The following N4BP1 variants were observed in gnomAD, a reference collection of about 807,000 sequenced individuals.
N4BP1 encodes the protein NEDD4-binding protein 1.
Under a neutral mutation model 70.9 loss-of-function variants are expected in N4BP1, and 21 were observed. That is an observed-to-expected ratio of 0.30 (90% CI 0.21 to 0.43). N4BP1 has a LOEUF of 0.43. Ranked by LOEUF, N4BP1 falls within the 20% of genes least tolerant of loss-of-function variation. N4BP1 has a pLI of 1.00. For missense variants in N4BP1, 936 were observed against 1,069.4 expected, an observed-to-expected ratio of 0.88 and a Z score of 1.74; for synonymous variants, 387 against 394.6, an observed-to-expected ratio of 0.98 and a Z score of 0.23.
chr16:48,593,664 C>G (rs1183125249), intron 1 of N4BP1, among the ~76,000 whole-genome samples: 1 of 152,164 alleles, frequency 6.6e-6, no homozygotes, highest in East Asian at 1.9e-4. Context: ...TTATAAGAAT[C>G]TTACCTTATG....
intron 1 of N4BP1, among the ~76,000 whole-genome samples, chr16:48,591,756 A>G (rs1964342480): frequency 6.6e-6 from 1 of 151,040 alleles, no homozygotes; most frequent in Non-Finnish European, 1.5e-5. Flanking sequence ...AGAACTTAAG[A>G]TAATTTCTAA....
At chr16:48,572,894 G>A (rs928829718) in intron 1 of N4BP1, among the ~76,000 whole-genome samples, 1 of 152,140 alleles carries the variant, frequency 6.6e-6, no homozygotes, top group Non-Finnish European at 1.5e-5. Context: ...ACTTTGGGAG[G>A]CTGAGGTGGG....
At chr16:48,601,920 C>T (rs1053843319) in intron 1 of N4BP1, among the ~76,000 whole-genome samples, 84 of 152,134 alleles carry the variant, frequency 5.5e-4, no homozygotes, top group African/African-American at 2.0e-3. Context: ...TATGTTGTTT[C>T]CATATGAAAA....
chr16:48,553,463 A>G (rs1963704955), intron 3 of N4BP1, 76 bp downstream of exon 3: 3 of 1,418,846 alleles, frequency 2.1e-6, no homozygotes, highest in East Asian at 4.8e-5. Context: ...GCTCTATTCT[A>G]AATAGCATGT....
intron 1 of N4BP1, among the ~76,000 whole-genome samples, chr16:48,601,568 CA>C (rs1964499388): frequency 1.3e-5 from 2 of 152,104 alleles, no homozygotes; most frequent in African/African-American, 4.8e-5. Context: ...GCCATAATCA[CA>C]AATGACTTTC....
At chr16:48,558,112 G>A (rs1963784135) in intron 2 of N4BP1, among the ~76,000 whole-genome samples, 3 of 151,970 alleles carry the variant, frequency 2.0e-5, no homozygotes, top group Non-Finnish European at 4.4e-5. Context: ...TACCCATTAC[G>A]CAGTTTCTTC....
In N4BP1 at chr16:48,542,663, C is replaced by G. The variant is rs1963520336; in HGVS notation, c.*241G>C. Reference sequence around the variant, plus strand: ...CTGCTATTAAACAGTTCTGAACAGGCAGAAAATGTAGACTTTCCTTTAACA... The same window carrying G: ...CTGCTATTAAACAGTTCTGAACAGGGAGAAAATGTAGACTTTCCTTTAACA... On this transcript the variant is annotated 3_prime_UTR_variant, in exon 7 of 7. Transcript: ENST00000262384. 2 of 401,206 alleles carry G rather than the reference C, an allele frequency of 5.0e-6. No individual in the cohort carries two copies. Among genetic ancestry groups the G allele is most frequent in the East Asian group, 7.5e-5 (2 of 26,586 alleles). The allele number at this position is 401,206 out of a possible 1,614,324, so 24.9% of individuals were successfully genotyped here.
At chr16:48,569,497 T>A (rs1208610185) in intron 1 of N4BP1, among the ~76,000 whole-genome samples, 3 of 152,168 alleles carry the variant, frequency 2.0e-5, no homozygotes, top group African/African-American at 7.2e-5. Context: ...GTTCAAGTGA[T>A]CCACCCTCCT....
intron 1 of N4BP1, among the ~76,000 whole-genome samples, chr16:48,592,372 A>C (rs1305385796): frequency 6.6e-6 from 1 of 152,138 alleles, no homozygotes; most frequent in Non-Finnish European, 1.5e-5. Flanking sequence ...GGGACCCTTA[A>C]TTTTGAGAAT....
intron 6 of N4BP1, among the ~76,000 whole-genome samples, chr16:48,545,245 G>GT (rs1421235465): frequency 2.0e-5 from 3 of 151,310 alleles, no homozygotes; most frequent in Non-Finnish European, 4.4e-5. Context: ...GATTACAGGC[G>GT]TGAGCCACCA....
At position 48,557,651 on chromosome 16, in the gene N4BP1, A is replaced by G. The variant is rs568715323; in HGVS notation, c.1889+3103T>C. Reference sequence around the variant, plus strand: ...CAAATAGGTAGTAAAAAGCCACTAAAAAAATCCTAAACTGGGCATGGTAAG... The same window carrying G: ...CAAATAGGTAGTAAAAAGCCACTAAGAAAATCCTAAACTGGGCATGGTAAG... On this transcript the variant is annotated intron_variant, in intron 2 of 6. Coordinates refer to ENST00000262384, the MANE Select transcript of N4BP1 (RefSeq NM_153029.4). Among the ~76,000 whole-genome samples, 3 of 152,344 alleles carry G rather than the reference A, an allele frequency of 2.0e-5. No homozygotes were observed. In the East Asian group the frequency reaches 5.8e-4, roughly 29 times the overall value.
At chr16:48,563,511 A>C (rs1199074903) in intron 1 of N4BP1, among the ~76,000 whole-genome samples, 15 of 151,668 alleles carry the variant, frequency 9.9e-5, no homozygotes. Flanking sequence ...TCAGCCTCCC[A>C]AGTAGCTGGG....
intron 1 of N4BP1, among the ~76,000 whole-genome samples, chr16:48,606,221 C>G (rs1964580503): frequency 6.6e-6 from 1 of 152,090 alleles, no homozygotes; most frequent in Non-Finnish European, 1.5e-5. Context: ...TAAAACCGAC[C>G]CCTAAATCCC....
At chr16:48,547,183 A>G (rs1047064909) in intron 5 of N4BP1, among the ~76,000 whole-genome samples, 7 of 152,252 alleles carry the variant, frequency 4.6e-5, no homozygotes, top group African/African-American at 7.2e-5. Context: ...ATAAATATCT[A>G]GTTATGCTAA....
chr16:48,566,784 A>G (rs979232868), intron 1 of N4BP1, among the ~76,000 whole-genome samples: 1 of 152,210 alleles, frequency 6.6e-6, no homozygotes, highest in Non-Finnish European at 1.5e-5. Context: ...TGGTTCCATC[A>G]ACTGTTGAGA....
intron 1 of N4BP1, among the ~76,000 whole-genome samples, chr16:48,603,264 G>A (rs1366097019): frequency 6.6e-6 from 1 of 151,946 alleles, no homozygotes; most frequent in Non-Finnish European, 1.5e-5. Context: ...AGTTTCATGG[G>A]TGCACTGTAA....
rs1490629889 is a variant in N4BP1 at position 48,539,030 on chromosome 16, G to A, written c.*3874C>T. 3 of 152,294 alleles carry A rather than the reference G, an allele frequency of 2.0e-5. No homozygotes were observed. The highest frequency in any genetic ancestry group is 4.4e-5 in the Non-Finnish European group (3 of 68,092). 9.4% of individuals were successfully genotyped at this position (152,294 alleles called of 1,614,324 possible). A position where few individuals can be genotyped will look rare whatever the true frequency, so the allele number is the denominator to read the frequency against. On this transcript the variant is annotated 3_prime_UTR_variant, in exon 7 of 7. Transcript: ENST00000262384. The stretch of plus-strand genomic sequence containing the variant: ...GCCATTTGGGAGAAGGGCATCTCTA[G>A]CGGAGAGAGGTCCATCTGCAGAGCC...
chr16:48,548,459 T>C (rs1310017184), intron 4 of N4BP1, among the ~76,000 whole-genome samples: 1 of 152,200 alleles, frequency 6.6e-6, no homozygotes, highest in Non-Finnish European at 1.5e-5. Context: ...TGTGAAATCA[T>C]TATTCAGATT....
At chr16:48,592,310 G>A (rs992325096) in intron 1 of N4BP1, among the ~76,000 whole-genome samples, 4 of 152,162 alleles carry the variant, frequency 2.6e-5, no homozygotes, top group Admixed American at 6.5e-5. Context: ...GCATTGCACC[G>A]TTTTCTCCAA....
Sources: gnomAD v4.1 joint callset for allele counts (sites outside exome capture counted in the v4.1 genomes callset) on GRCh38, gnomAD v4.1.1 for gene constraint, MANE v1.5 for transcripts, NCBI Gene and HGNC (gene_info 2026-07-23, HGNC 2026-07-21) for gene names.